Variants in RASAL2 observed in about 807,000 individuals in gnomAD.
RASAL2 encodes the protein RAS protein activator like 2, also known as ras GTPase-activating protein nGAP.
A neutral mutation model predicts 128.9 loss-of-function variants in RASAL2; 58 were observed. That is an observed-to-expected ratio of 0.45 (90% CI 0.36 to 0.56). The LOEUF is 0.56. Ranked by LOEUF, RASAL2 falls within the 20% of genes least tolerant of loss-of-function variation. The pLI is 0.00. For missense variants in RASAL2, 1,360 were observed against 1,601.6 expected (o/e 0.85, Z 2.57); for synonymous variants, 561 against 580.8 (o/e 0.97, Z 0.49).
intron 3 of RASAL2, among the ~76,000 whole-genome samples, chr1:178,373,218 G>C (rs1319828196): frequency 8.7e-6 from 1 of 114,600 alleles, no homozygotes; most frequent in Admixed American, 9.6e-5. Flanking sequence ...CTTTCTTATA[G>C]TTAGCATAAG....
intron 1 of RASAL2, among the ~76,000 whole-genome samples, chr1:178,273,935 A>T (rs983243221): frequency 3.9e-5 from 6 of 152,154 alleles, no homozygotes; most frequent in Admixed American, 3.9e-4. Context: ...GGGTTATCTA[A>T]TTCCTAGTGA....
At chr1:178,135,483 T>A in intron 1 of RASAL2, among the ~76,000 whole-genome samples, 1 of 129,828 alleles carries the variant, frequency 7.7e-6, no homozygotes, top group Non-Finnish European at 1.6e-5. Context: ...ATGTTGAAAA[T>A]CTTGTCTCTT....
rs138728063 is a variant in RASAL2 at position 178,283,906 on chromosome 1, A to G, written c.330+215A>G. 2.6e-5 allele frequency among the ~76,000 whole-genome samples: 4 copies of G among 152,292 alleles called. No individual in the cohort carries two copies. The East Asian group carries it at 7.7e-4, about 29-fold the overall frequency. On this transcript the variant is annotated intron_variant, in intron 2 of 17. Coordinates refer to ENST00000367649, the MANE Select transcript of RASAL2 (RefSeq NM_170692.4). ...TAGGGCTGGATTTTCACTAAGAAAC[A>G]ATGGAAGAGATACTGAGTTAAACTG...
At chr1:178,197,819 A>G (rs1406069208) in intron 1 of RASAL2, among the ~76,000 whole-genome samples, 1 of 152,060 alleles carries the variant, frequency 6.6e-6, no homozygotes, top group Non-Finnish European at 1.5e-5. Context: ...CATTTACATT[A>G]GGTATTTCTC....
chr1:178,230,555 A>T (rs563945614), intron 1 of RASAL2, among the ~76,000 whole-genome samples: 2 of 152,278 alleles, frequency 1.3e-5, no homozygotes, highest in African/African-American at 2.4e-5. Context: ...TGAGATTGTT[A>T]TCAGTGGTGG....
chr1:178,465,831 AGAAAGAAAGAG>A, intron 15 of RASAL2, 78 bp from the exon 16 acceptor site: 2 of 1,056,048 alleles, frequency 1.9e-6, no homozygotes, highest in South Asian at 2.0e-5. Flanking sequence ...AAAGAAAAAA[AGAAAGAAAGAG>A]AAAGAAAGAA....
chr1:178,310,330 T>G (rs1482156074), intron 3 of RASAL2, among the ~76,000 whole-genome samples: 1 of 152,190 alleles, frequency 6.6e-6, no homozygotes, highest in African/African-American at 2.4e-5. Flanking sequence ...TTACTACCAA[T>G]CTGATATAGT....
At chr1:178,338,856 C>T (rs183699249) in intron 3 of RASAL2, among the ~76,000 whole-genome samples, 3 of 152,242 alleles carry the variant, frequency 2.0e-5, no homozygotes, top group Admixed American at 2.0e-4. Flanking sequence ...GAAAAAAGCA[C>T]ATAAGTGGAA....
At chr1:178,257,261 G>C (rs10913527) in intron 1 of RASAL2, among the ~76,000 whole-genome samples, 5,343 of 152,088 alleles carry the variant, frequency 0.035, 278 homozygotes, top group African/African-American at 0.12. Context: ...CTTTTTTGTG[G>C]ATATTGACAA....
rs540820465 is a variant in RASAL2, at chr1:178,461,334, C to T, written c.3252+2790C>T. ...TCAGTAGCTTTGTCCCATGCAAATT[C>T]CATTTATATCTTAGCACAAAGTAGT... is the stretch of plus-strand genomic sequence containing the variant. On this transcript the variant is annotated intron_variant, in intron 14 of 17. Transcript: ENST00000367649. Among the ~76,000 whole-genome samples, 550 of 152,222 alleles carry T rather than the reference C, an allele frequency of 3.6e-3. 1 individual carries two copies. The highest frequency in any genetic ancestry group is 6.0e-3 in the Non-Finnish European group (408 of 68,010).
intron 3 of RASAL2, among the ~76,000 whole-genome samples, chr1:178,352,837 G>A (rs956959466): frequency 1.3e-5 from 2 of 152,216 alleles, no homozygotes; most frequent in Non-Finnish European, 2.9e-5. Context: ...TGTATTTAAG[G>A]CTTTCAGCTT....
intron 1 of RASAL2, among the ~76,000 whole-genome samples, chr1:178,143,100 A>G (rs1008782270): frequency 2.0e-5 from 3 of 152,150 alleles, no homozygotes; most frequent in African/African-American, 7.2e-5. Context: ...GAAGGAACAC[A>G]TATTCAAACC....
At chr1:178,318,441 A>G (rs368666345) in intron 3 of RASAL2, among the ~76,000 whole-genome samples, 7 of 152,002 alleles carry the variant, frequency 4.6e-5, no homozygotes, top group Non-Finnish European at 1.0e-4. Context: ...TCTCTTTGTA[A>G]GTCACTCAGG....
intron 1 of RASAL2, among the ~76,000 whole-genome samples, chr1:178,143,754 G>GT (rs5778975): frequency 0.024 from 3,498 of 142,994 alleles, 62 homozygotes; most frequent in East Asian, 0.093. Flanking sequence ...TATTGTTTGG[G>GT]TTTTTTTTTT....
intron 1 of RASAL2, among the ~76,000 whole-genome samples, chr1:178,103,360 A>G (rs540037453): frequency 1.3e-5 from 2 of 152,234 alleles, no homozygotes; most frequent in South Asian, 2.1e-4. Flanking sequence ...AGTATAAGCC[A>G]TTTTGCTTGT....
intron 1 of RASAL2, among the ~76,000 whole-genome samples, chr1:178,256,301 A>G (rs1009758072): frequency 5.3e-5 from 8 of 152,216 alleles, no homozygotes; most frequent in African/African-American, 1.9e-4. Flanking sequence ...ATGAGATTCA[A>G]CACCTTTCAT....
At chr1:178,465,864 T>G in intron 15 of RASAL2, 56 bp from the exon 16 acceptor site, 2 of 1,316,518 alleles carry the variant, frequency 1.5e-6, no homozygotes, top group Middle Eastern at 1.9e-4. Flanking sequence ...AGTAAATCAC[T>G]GATTTCTAAA....
At chr1:178,442,180 T>G (rs1290838950) in intron 7 of RASAL2, among the ~76,000 whole-genome samples, 2 of 152,080 alleles carry the variant, frequency 1.3e-5, no homozygotes, top group Non-Finnish European at 2.9e-5. Flanking sequence ...ACATAAAATT[T>G]GGGCAGGGAC....
intron 1 of RASAL2, among the ~76,000 whole-genome samples, chr1:178,262,720 T>G (rs1665755790): frequency 6.6e-6 from 1 of 152,128 alleles, no homozygotes; most frequent in African/African-American, 2.4e-5. Context: ...TGGGAGTATT[T>G]GATAACTGGT....
Sources: allele counts gnomAD v4.1 joint callset (sites outside exome capture counted in the v4.1 genomes callset), GRCh38; gene constraint gnomAD v4.1.1; transcripts MANE v1.5; gene names NCBI Gene and HGNC (gene_info 2026-07-23, HGNC 2026-07-21).